The following FGF12 variants were observed in gnomAD, a reference collection of about 807,000 sequenced individuals.
FGF12 encodes fibroblast growth factor 12B.
Under a neutral mutation model 23.6 loss-of-function variants are expected in FGF12, and 14 were observed. The observed-to-expected ratio is 0.59, with a 90% CI of 0.39 to 0.93. FGF12 has a LOEUF of 0.93. FGF12 is among the 40% of genes least tolerant of loss of function. The pLI is 0.00. For synonymous variants in FGF12, 62 were observed against 77.3 expected, an observed-to-expected ratio of 0.80 and a Z score of 1.04; for missense variants, 175 against 217.8, an observed-to-expected ratio of 0.80 and a Z score of 1.24.
intron 2 of FGF12, among the ~76,000 whole-genome samples, chr3:192,377,962 A>T (rs1303288806): frequency 4.2e-5 from 6 of 142,210 alleles, no homozygotes; most frequent in African/African-American, 1.9e-4. Context: ...TGCAGGAAAA[A>T]ATGTCTTTTC....
chr3:192,635,368 C>T (rs1435880525), intron 2 of FGF12, among the ~76,000 whole-genome samples: 1 of 152,126 alleles, frequency 6.6e-6, no homozygotes, highest in African/African-American at 2.4e-5. Context: ...TTAAAAATCA[C>T]TGAAATCCCT....
Position 192,707,972 on chromosome 3 carries a change from A to T in FGF12, c.13+19209T>A, listed in dbSNP as rs529729151. Among the ~76,000 whole-genome samples, 180 of 151,810 alleles carry T rather than the reference A, an allele frequency of 1.2e-3. 1 individual carries two copies. Among genetic ancestry groups the T allele is most frequent in the African/African-American group, 4.0e-3 (166 of 41,428 alleles). On this transcript the variant is annotated intron_variant, in intron 2 of 5. Transcript: ENST00000445105. ...ATTATTATTATTTATTTATTTATTT[A>T]TTTTTGAGACGGAGTCTCGCTCTGT...
chr3:192,148,777 G>A (rs1360354655), intron 5 of FGF12, among the ~76,000 whole-genome samples: 3 of 152,122 alleles, frequency 2.0e-5, no homozygotes, highest in Non-Finnish European at 4.4e-5. Flanking sequence ...CTGTATTAAG[G>A]AAGAGGGAGT....
At chr3:192,689,393 A>G (rs932461295) in intron 2 of FGF12, among the ~76,000 whole-genome samples, 1 of 152,196 alleles carries the variant, frequency 6.6e-6, no homozygotes, top group Non-Finnish European at 1.5e-5. Flanking sequence ...AGTTCAGCAA[A>G]CAAGAGAGCA....
intron 2 of FGF12, among the ~76,000 whole-genome samples, chr3:192,366,321 C>G (rs1407839761): frequency 6.6e-6 from 1 of 152,058 alleles, no homozygotes; most frequent in East Asian, 1.9e-4. Flanking sequence ...CTAGGGCCAG[C>G]GTATTCACAT....
In FGF12 at chr3:192,566,335, C is replaced by G. The variant is rs1045918542; in HGVS notation, c.13+160846G>C. ...ATGAAAATCATTCTAGCAGCATGTGCAAGATAAAAGAAAAATAAGAGATCA... is the reference window on the plus strand; with the variant it reads ...ATGAAAATCATTCTAGCAGCATGTGGAAGATAAAAGAAAAATAAGAGATCA... On this transcript the variant is annotated intron_variant, in intron 2 of 5. Coordinates refer to ENST00000445105, the MANE Select transcript of FGF12 (RefSeq NM_004113.6). Among the ~76,000 whole-genome samples, 6 of 151,722 alleles carry G rather than the reference C, an allele frequency of 4.0e-5. No homozygotes were observed. In the East Asian group the frequency reaches 1.2e-3, roughly 29 times the overall value.
chr3:192,550,849 T>C (rs2108585455), intron 2 of FGF12, among the ~76,000 whole-genome samples: 1 of 152,314 alleles, frequency 6.6e-6, no homozygotes, highest in South Asian at 2.1e-4. Context: ...AATACTCAAA[T>C]ATTTAAAGAT....
At chr3:192,399,977 C>T (rs571403445) in intron 2 of FGF12, among the ~76,000 whole-genome samples, 5 of 152,278 alleles carry the variant, frequency 3.3e-5, no homozygotes, top group South Asian at 4.1e-4. Flanking sequence ...GATACCCAAC[C>T]GGAGGATCCT....
Position 192,268,261 on chromosome 3 carries a change from A to G in FGF12, c.228+67100T>C, listed in dbSNP as rs76093638. On this transcript the variant is annotated intron_variant, in intron 4 of 5. Transcript: ENST00000445105. Reference sequence around the variant, plus strand: ...ATTCTGCTGCTTCCAATTTTCCACGAAGAGCTCATCCTTCAAGCATCTACT... The same window carrying G: ...ATTCTGCTGCTTCCAATTTTCCACGGAGAGCTCATCCTTCAAGCATCTACT... Among the ~76,000 whole-genome samples the G allele has an allele frequency of 6.4e-3, 969 of 152,212 alleles. 8 individuals are homozygous for G. Among genetic ancestry groups the G allele is most frequent in the African/African-American group, 0.022 (915 of 41,546 alleles).
intron 4 of FGF12, among the ~76,000 whole-genome samples, chr3:192,221,453 T>C (rs1319298757): frequency 6.6e-6 from 1 of 152,156 alleles, no homozygotes; most frequent in Non-Finnish European, 1.5e-5. Context: ...ATTATACCTG[T>C]AAGCACCATG....
In FGF12 at chr3:192,345,686, C is replaced by CAAAA. The variant is rs532522064; in HGVS notation, c.125-10226_125-10223dup. On this transcript the variant is annotated intron_variant, in intron 3 of 5. Transcript: ENST00000445105. ...TGGGCGACAGAGCGAGACTCCGTCT[C>CAAAA]AAAAAAAAAAAAAAAAAAGATATAA... Among the ~76,000 whole-genome samples, 32 of 32,634 alleles carry CAAAA rather than the reference C, an allele frequency of 9.8e-4. 4 individuals are homozygous for CAAAA. The highest frequency in any genetic ancestry group is 1.9e-3 in the Admixed American group (5 of 2,580). 21.4% of individuals were successfully genotyped at this position (32,634 alleles called of 152,430 possible).
At chr3:192,192,894 G>A (rs1179896449) in intron 4 of FGF12, among the ~76,000 whole-genome samples, 1 of 152,100 alleles carries the variant, frequency 6.6e-6, no homozygotes, top group African/African-American at 2.4e-5. Context: ...GAAGCATTTT[G>A]CATCATGAAC....
chr3:192,168,517 C>G (rs1039447291), intron 5 of FGF12, among the ~76,000 whole-genome samples: 1 of 152,156 alleles, frequency 6.6e-6, no homozygotes, highest in African/African-American at 2.4e-5. Context: ...AAAATAATAG[C>G]CTTTTTCTCT....
intron 2 of FGF12, among the ~76,000 whole-genome samples, chr3:192,511,362 A>G (rs1383369682): frequency 6.6e-6 from 1 of 152,138 alleles, no homozygotes; most frequent in East Asian, 1.9e-4. Context: ...TTAGGACAGG[A>G]ATTCCTCTTC....
rs80270373 is a variant in FGF12 at position 192,230,753 on chromosome 3, G to A, written c.229-60097C>T. Among the ~76,000 whole-genome samples, 1,121 of 152,038 alleles carry A rather than the reference G, an allele frequency of 7.4e-3. 18 individuals carry two copies. The highest frequency in any genetic ancestry group is 0.025 in the African/African-American group (1,052 of 41,490). On this transcript the variant is annotated intron_variant, in intron 4 of 5. Coordinates refer to ENST00000445105, the MANE Select transcript of FGF12 (RefSeq NM_004113.6). ...TCTCTTTATTTTTTACTGTCATAGGGTAACAGTCTCCATGTATAATTTTAA... is the reference window on the plus strand; with the variant it reads ...TCTCTTTATTTTTTACTGTCATAGGATAACAGTCTCCATGTATAATTTTAA...
chr3:192,171,987 C>T (rs372142145), intron 4 of FGF12, among the ~76,000 whole-genome samples: 15 of 149,248 alleles, frequency 1.0e-4, no homozygotes, highest in African/African-American at 3.1e-4. Flanking sequence ...CCCAGAAGAT[C>T]CTCCCACATC....
At chr3:192,186,246 C>A (rs1036173891) in intron 4 of FGF12, among the ~76,000 whole-genome samples, 1 of 152,144 alleles carries the variant, frequency 6.6e-6, no homozygotes, top group Non-Finnish European at 1.5e-5. Flanking sequence ...AATGCGAATA[C>A]TTCTTTTCTG....
chr3:192,499,233 A>G (rs748596423), intron 2 of FGF12, among the ~76,000 whole-genome samples: 1 of 152,052 alleles, frequency 6.6e-6, no homozygotes, highest in Non-Finnish European at 1.5e-5. Context: ...ATCACTTTAC[A>G]GATGAGAATT....
At position 192,360,443 on chromosome 3, in the gene FGF12, C is replaced by T. The variant is rs865909944; in HGVS notation, c.109G>A (p.Glu37Lys). 2 of 1,611,214 alleles carry T rather than the reference C, an allele frequency of 1.2e-6. No homozygotes were observed. The highest frequency in any genetic ancestry group is 1.7e-5 in the Admixed American group (1 of 59,988). ...PDGTIDGTKD[E>K]NSDYTLFNLI... is the part of the protein sequence containing the mutation. ...TGTTTCTTACTGTAGTCGCTGTTTT[C>T]GTCCTTGGTCCCATCAATGGTACCA... is the stretch of plus-strand genomic sequence containing the variant. The change falls in exon 3 of 6, where the codon GAA becomes AAA. Residue 37 changes from glutamate (E) to lysine (K), a missense_variant. Glu to Lys is a moderately conservative substitution (Grantham distance 56, BLOSUM62 1). Transcript: ENST00000445105. The surrounding 1 kb of genome is among the most constrained non-coding windows in gnomAD (Gnocchi z 4.3).
Sources: gnomAD v4.1 joint callset for allele counts (sites outside exome capture counted in the v4.1 genomes callset) on GRCh38, gnomAD v4.1.1 for gene constraint, Gnocchi (gnomAD v3.1) non-coding constraint, MANE v1.5 for transcripts, NCBI Gene and HGNC (gene_info 2026-07-23, HGNC 2026-07-21) for gene names.